TM9SF3: variants seen among roughly 807,000 people sequenced by gnomAD.
The protein encoded by TM9SF3 is SM-11044-binding protein.
Under a neutral mutation model 78.6 loss-of-function variants are expected in TM9SF3, and 14 were observed. The ratio of observed to expected loss-of-function variants is 0.18; its 90% CI spans 0.12 to 0.28. TM9SF3 has a LOEUF of 0.28. TM9SF3 is among the 10% of genes least tolerant of loss of function. The probability of loss-of-function intolerance (pLI) is 1.00; values close to 1 mark genes in which losing one functional copy is unlikely to be tolerated. For synonymous variants in TM9SF3, 231 were observed against 241.7 expected, an observed-to-expected ratio of 0.96 and a Z score of 0.41; for missense variants, 496 against 721.9, an observed-to-expected ratio of 0.69 and a Z score of 3.59.
intron 5 of TM9SF3, among the ~76,000 whole-genome samples, chr10:96,553,447 GGAGCT>G (rs1564933959): frequency 2.6e-5 from 4 of 152,144 alleles, no homozygotes; most frequent in African/African-American, 9.7e-5. Context: ...GGAAAATGGA[GGAGCT>G]AATACTTATC....
At chr10:96,530,194 T>C (rs79353623) in intron 11 of TM9SF3, among the ~76,000 whole-genome samples, 16,849 of 152,216 alleles carry the variant, frequency 0.11, 1,060 homozygotes, top group Non-Finnish European at 0.15. Context: ...CCTAGTTCCC[T>C]AGATCCTCAG....
chr10:96,580,226 T>C (rs1205357296), intron 1 of TM9SF3, among the ~76,000 whole-genome samples: 3 of 152,066 alleles, frequency 2.0e-5, no homozygotes, highest in African/African-American at 7.3e-5. Context: ...GCCAAAACGG[T>C]TTATGATATT....
chr10:96,548,856 TAA>T (rs1406638430), intron 7 of TM9SF3, among the ~76,000 whole-genome samples: 1 of 151,886 alleles, frequency 6.6e-6, no homozygotes, highest in Admixed American at 6.6e-5. Flanking sequence ...CATACGATTT[TAA>T]AAAAGTCTAT....
chr10:96,553,147 A>C lies in TM9SF3; in HGVS notation c.661-88T>G, dbSNP rs1325031659. ...CATGAGGACAACCGGATGTTAATGCAAAGAAAAAAAAAAGTCTTTAATTAA... is the reference window on the plus strand; with the variant it reads ...CATGAGGACAACCGGATGTTAATGCCAAGAAAAAAAAAAGTCTTTAATTAA... On this transcript the variant is annotated intron_variant, in intron 5 of 14. Transcript: ENST00000371142. 10 of 1,331,564 alleles carry C rather than the reference A, an allele frequency of 7.5e-6. No homozygotes were observed. In the East Asian group the frequency reaches 2.6e-4, roughly 35 times the overall value. The allele number at this position is 1,331,564 out of a possible 1,614,324, so 82.5% of individuals were successfully genotyped here.
intron 7 of TM9SF3, among the ~76,000 whole-genome samples, chr10:96,548,862 A>T (rs1848132806): frequency 6.6e-6 from 1 of 152,052 alleles, no homozygotes; most frequent in Non-Finnish European, 1.5e-5. Flanking sequence ...ATTTTAAAAA[A>T]GTCTATAGGT....
chr10:96,567,711 A>G (rs1848394732), intron 2 of TM9SF3, among the ~76,000 whole-genome samples: 1 of 152,194 alleles, frequency 6.6e-6, no homozygotes, highest in Non-Finnish European at 1.5e-5. Context: ...TGCTCCTCAA[A>G]AACACCATTA....
At position 96,562,106 on chromosome 10, in the gene TM9SF3, C is replaced by A. The variant is rs1848315198; in HGVS notation, c.454G>T (p.Asp152Tyr). The change falls in exon 4 of 15, where the codon GAT becomes TAT. Residue 152 changes from aspartate (D) to tyrosine (Y), a missense_variant. By Grantham distance (160) the Asp-to-Tyr change is radical. Around this residue, in one of 4 missense-constraint regions of TM9SF3, gnomAD observed 155 missense variants for 241.6 expected, o/e 0.64. Transcript: ENST00000371142. ...IVGEADENGE[D>Y]YYLWTYKKLE... ...TTTTTATAGGTCCAAAGATAGTAAT[C>A]TTCTCCATTTTCATCAGCCTCACCA... The A allele has an allele frequency of 1.2e-6, 2 of 1,612,620 alleles. No individual in the cohort carries two copies. The highest frequency in any genetic ancestry group is 4.5e-5 in the East Asian group (2 of 44,776).
intron 9 of TM9SF3, among the ~76,000 whole-genome samples, chr10:96,537,442 C>T (rs551312564): frequency 6.6e-6 from 1 of 152,260 alleles, no homozygotes; most frequent in South Asian, 2.1e-4. Flanking sequence ...CTGAGATGTT[C>T]ACACAATGAA....
chr10:96,557,522 T>C lies in TM9SF3; in HGVS notation c.660+2137A>G, dbSNP rs138842546. Among the ~76,000 whole-genome samples the C allele has an allele frequency of 1.1e-3, 162 of 152,324 alleles. 1 individual carries two copies. The highest frequency in any genetic ancestry group is 3.7e-3 in the Admixed American group (57 of 15,300). On this transcript the variant is annotated intron_variant, in intron 5 of 14. Coordinates refer to ENST00000371142, the MANE Select transcript of TM9SF3 (RefSeq NM_020123.4). ...CCTTTAAAAACAAAAGTCAGATTTG[T>C]TACCCCCCTGCTGAAAACACTACAG...
intron 6 of TM9SF3, among the ~76,000 whole-genome samples, 164 bp downstream of exon 6, chr10:96,552,764 G>C (rs1848189458): frequency 1.3e-5 from 2 of 152,072 alleles, no homozygotes; most frequent in African/African-American, 4.8e-5. Flanking sequence ...TACAGGGCAT[G>C]GTTACAGACC....
At chr10:96,578,907 C>T (rs1848528935) in intron 1 of TM9SF3, among the ~76,000 whole-genome samples, 2 of 152,344 alleles carry the variant, frequency 1.3e-5, no homozygotes, top group South Asian at 4.1e-4. Flanking sequence ...GAAACCCTGT[C>T]TCTACTTAAA....
intron 1 of TM9SF3, among the ~76,000 whole-genome samples, chr10:96,579,858 C>G (rs1848541393): frequency 6.6e-6 from 1 of 152,136 alleles, no homozygotes; most frequent in Admixed American, 6.5e-5. Context: ...AGTTCTCTCT[C>G]AAAAGAAAAT....
intron 1 of TM9SF3, among the ~76,000 whole-genome samples, chr10:96,580,283 T>A (rs910906764): frequency 2.0e-5 from 3 of 151,894 alleles, no homozygotes; most frequent in Admixed American, 6.6e-5. Context: ...TGTGTGTGTG[T>A]GAGACGGAGT....
chr10:96,565,262 T>C (rs751428494), intron 3 of TM9SF3, 42 bp downstream of exon 3: 2 of 1,459,648 alleles, frequency 1.4e-6, no homozygotes, highest in East Asian at 2.7e-5. Flanking sequence ...ATTCTGATTA[T>C]GCAAATTTTC....
chr10:96,563,461 C>T (rs1375224645), intron 3 of TM9SF3, among the ~76,000 whole-genome samples: 6 of 152,090 alleles, frequency 3.9e-5, no homozygotes, highest in African/African-American at 1.2e-4. Flanking sequence ...CTGCAACCTC[C>T]ACCCGCTGGG....
chr10:96,561,930 A>G (rs1348070518), intron 4 of TM9SF3, 48 bp downstream of exon 4: 2 of 1,504,660 alleles, frequency 1.3e-6, no homozygotes, highest in Non-Finnish European at 1.8e-6. Context: ...AATTGTTGAC[A>G]TCGGGTCACA....
chr10:96,525,873 C>G (rs1247382505), intron 14 of TM9SF3, among the ~76,000 whole-genome samples: 4 of 152,032 alleles, frequency 2.6e-5, no homozygotes, highest in African/African-American at 9.7e-5. Context: ...ATGAGTTTCC[C>G]TTAAGTTACC....
intron 3 of TM9SF3, 85 bp downstream of exon 3, chr10:96,565,219 G>T: frequency 1.6e-6 from 2 of 1,243,856 alleles, no homozygotes; most frequent in Non-Finnish European, 2.1e-6. Context: ...CCATGATCCA[G>T]TACACAATCA....
At chr10:96,551,188 T>C in intron 7 of TM9SF3, 57 bp downstream of exon 7, 1 of 1,349,454 alleles carries the variant, frequency 7.4e-7, no homozygotes, top group Non-Finnish European at 9.9e-7. Flanking sequence ...AAGATTCCAG[T>C]GATTAAAACT....
Sources: gnomAD v4.1 joint callset for allele counts (sites outside exome capture counted in the v4.1 genomes callset) on GRCh38, gnomAD v4.1.1 for gene constraint, gnomAD v4.1.1 regional missense constraint, MANE v1.5 for transcripts, NCBI Gene and HGNC (gene_info 2026-07-23, HGNC 2026-07-21) for gene names.